PTPRK: variants seen among roughly 807,000 people sequenced by gnomAD.
The protein encoded by PTPRK is receptor-type tyrosine-protein phosphatase kappa.
Under a neutral mutation model 178.0 loss-of-function variants are expected in PTPRK, and 75 were observed. The ratio of observed to expected loss-of-function variants is 0.42; its 90% CI spans 0.35 to 0.51. PTPRK has a LOEUF of 0.51. Among genes scored for constraint, PTPRK ranks in the 20% least tolerant of loss-of-function variants. PTPRK has a pLI of 0.02. For synonymous variants in PTPRK, 637 were observed against 620.6 expected (o/e 1.03, Z -0.39); for missense variants, 1,441 against 1,797.8 (o/e 0.80, Z 3.59).
chr6:128,433,238 T>C (rs941828338), intron 1 of PTPRK, among the ~76,000 whole-genome samples: 1 of 152,142 alleles, frequency 6.6e-6, no homozygotes, highest in Non-Finnish European at 1.5e-5. Context: ...TTTGTATCCA[T>C]CAACCAACCC....
At chr6:128,078,939 TAAA>T (rs781605067) in intron 10 of PTPRK, 21 bp from the exon 11 acceptor site, 7 of 1,483,000 alleles carry the variant, frequency 4.7e-6, no homozygotes, top group Non-Finnish European at 6.6e-6. Context: ...ATTAATGAGA[TAAA>T]AAAGGTTCAA....
chr6:128,429,969 A>T (rs1844621484), intron 1 of PTPRK, among the ~76,000 whole-genome samples: 1 of 152,242 alleles, frequency 6.6e-6, no homozygotes, highest in Admixed American at 6.5e-5. Context: ...TATTTATAAA[A>T]GATCAGAATG....
chr6:128,177,573 TA>T (rs995671325), intron 7 of PTPRK, among the ~76,000 whole-genome samples: 31 of 151,912 alleles, frequency 2.0e-4, no homozygotes, highest in African/African-American at 6.7e-4. Flanking sequence ...GACACAATTT[TA>T]AGGTGAAAAC....
intron 13 of PTPRK, among the ~76,000 whole-genome samples, chr6:128,050,852 T>A (rs572546771): frequency 6.6e-6 from 1 of 152,362 alleles, no homozygotes; most frequent in Non-Finnish European, 1.5e-5. Flanking sequence ...ATACTAGGAA[T>A]TTTTTAGAAT....
chr6:128,493,560 C>CAAA (rs1339085007), intron 1 of PTPRK, among the ~76,000 whole-genome samples: 3 of 106,678 alleles, frequency 2.8e-5, no homozygotes, highest in Non-Finnish European at 3.8e-5. Flanking sequence ...GACTCCGTCT[C>CAAA]AAAAAAAAAA....
At chr6:128,518,931 A>C in intron 1 of PTPRK, 2 of 465,834 alleles carry the variant, frequency 4.3e-6, no homozygotes, top group Non-Finnish European at 8.9e-6. Flanking sequence ...ATTACTCCAG[A>C]AAACAACAAT....
chr6:128,520,219 G>A, intron 1 of PTPRK, 40 bp downstream of exon 1: 1 of 1,532,600 alleles, frequency 6.5e-7, no homozygotes, highest in Non-Finnish European at 8.9e-7. Flanking sequence ...GTGAGCCCAG[G>A]ACTCCAGGCG....
intron 1 of PTPRK, among the ~76,000 whole-genome samples, chr6:128,462,403 A>G (rs1311241026): frequency 6.6e-6 from 1 of 152,048 alleles, no homozygotes; most frequent in Non-Finnish European, 1.5e-5. Flanking sequence ...AATAATATAA[A>G]AACTAATGAG....
intron 7 of PTPRK, among the ~76,000 whole-genome samples, chr6:128,169,860 T>G (rs904291373): frequency 5.3e-4 from 80 of 151,694 alleles, no homozygotes; most frequent in Non-Finnish European, 1.6e-4. Context: ...ACAAATAATA[T>G]ATATAATTTT....
chr6:128,037,562 C>T (rs1776436058), intron 13 of PTPRK, among the ~76,000 whole-genome samples: 1 of 152,130 alleles, frequency 6.6e-6, no homozygotes, highest in Non-Finnish European at 1.5e-5. Flanking sequence ...AACATCAAGA[C>T]ATTTGGGAAA....
chr6:128,238,490 C>G (rs895389008), intron 5 of PTPRK, among the ~76,000 whole-genome samples: 3 of 152,046 alleles, frequency 2.0e-5, no homozygotes, highest in African/African-American at 7.2e-5. Context: ...AATCCTGAGG[C>G]ATAAAACCAA....
At chr6:127,986,295 A>AT (rs1775967861) in intron 21 of PTPRK, among the ~76,000 whole-genome samples, 1 of 152,178 alleles carries the variant, frequency 6.6e-6, no homozygotes, top group African/African-American at 2.4e-5. Context: ...TCACAAAGAG[A>AT]TTTTAATGCC....
At chr6:128,499,645 G>T (rs577135197) in intron 1 of PTPRK, among the ~76,000 whole-genome samples, 2 of 152,194 alleles carry the variant, frequency 1.3e-5, no homozygotes, top group African/African-American at 4.8e-5. Flanking sequence ...AACATTGTAT[G>T]AGAGAAGTAT....
rs772709163 is a variant in PTPRK, at chr6:128,009,279, A to T, written c.2195-11T>A. On this transcript the variant is annotated splice_polypyrimidine_tract_variant and intron_variant, in intron 13 of 29. Coordinates refer to ENST00000368226, the MANE Select transcript of PTPRK (RefSeq NM_002844.4). The stretch of plus-strand genomic sequence containing the variant: ...CTTCTGTTGCTGCTGCTAAATGGAT[A>T]AAAAAAAAAATCAGTTACTGAAAGA... 9 of 917,674 alleles carry T rather than the reference A, an allele frequency of 9.8e-6. No homozygotes were observed. The East Asian group carries it at 1.3e-4, about 13-fold the overall frequency. The allele number at this position is 917,674 out of a possible 1,614,324, so 56.8% of individuals were successfully genotyped here.
At chr6:128,105,470 G>C (rs1163789423) in intron 7 of PTPRK, among the ~76,000 whole-genome samples, 1 of 152,162 alleles carries the variant, frequency 6.6e-6, no homozygotes, top group Non-Finnish European at 1.5e-5. Context: ...TAAGTGTAGA[G>C]TAAGAAAGCG....
At chr6:128,155,053 T>G (rs1477657756) in intron 7 of PTPRK, among the ~76,000 whole-genome samples, 1 of 151,758 alleles carries the variant, frequency 6.6e-6, no homozygotes, top group Non-Finnish European at 1.5e-5. Flanking sequence ...AACCTGAATA[T>G]TAGTACTAGA....
At chr6:128,319,971 G>T (rs1333495029) in intron 3 of PTPRK, among the ~76,000 whole-genome samples, 1 of 152,164 alleles carries the variant, frequency 6.6e-6, no homozygotes, top group Admixed American at 6.5e-5. Context: ...TAAGGAAAAA[G>T]ATGTGAGAGC....
chr6:128,080,314 C>T (rs1361649120), intron 10 of PTPRK, among the ~76,000 whole-genome samples: 2 of 151,950 alleles, frequency 1.3e-5, no homozygotes, highest in Non-Finnish European at 1.5e-5. Context: ...TGAATGCCAA[C>T]ACCAAGTGGA....
At chr6:128,106,561 A>G (rs1789752735) in intron 7 of PTPRK, among the ~76,000 whole-genome samples, 1 of 152,154 alleles carries the variant, frequency 6.6e-6, no homozygotes, top group Admixed American at 6.5e-5. Flanking sequence ...GAAGTGTGAC[A>G]TATAGAAAAC....
Sources: allele counts gnomAD v4.1 joint callset (sites outside exome capture counted in the v4.1 genomes callset), GRCh38; gene constraint gnomAD v4.1.1; transcripts MANE v1.5; gene names NCBI Gene and HGNC (gene_info 2026-07-23, HGNC 2026-07-21).